RGS8: variants seen among roughly 807,000 people sequenced by gnomAD.
RGS8 encodes the protein regulator of G-protein signaling 8.
Under a neutral mutation model 21.7 loss-of-function variants are expected in RGS8, and 8 were observed. The observed-to-expected ratio is 0.37, with a 90% CI of 0.22 to 0.66. The LOEUF (loss-of-function observed/expected upper bound fraction) is 0.66, where lower values mean the gene tolerates loss of function less well. Ranked by LOEUF, RGS8 falls within the 30% of genes least tolerant of loss-of-function variation. The probability of loss-of-function intolerance (pLI) is 0.59; values close to 1 mark genes in which losing one functional copy is unlikely to be tolerated. For missense variants in RGS8, 157 were observed against 217.9 expected (o/e 0.72, Z 1.76); for synonymous variants, 80 against 83.6 (o/e 0.96, Z 0.24).
chr1:182,667,261 A>G (rs1420229213), intron 3 of RGS8, among the ~76,000 whole-genome samples: 2 of 152,218 alleles, frequency 1.3e-5, no homozygotes, highest in East Asian at 3.8e-4. Context: ...CTAAATTAGG[A>G]TTCTCTGTAG....
At chr1:182,742,521 G>A in the RGS8 span, among the ~76,000 whole-genome samples, 1 of 152,224 alleles carries the variant, frequency 6.6e-6, no homozygotes, top group Non-Finnish European at 1.5e-5. Context: ...CGGATCACTC[G>A]CGGTTAGGAG....
At chr1:182,650,863 C>T (rs1662979707) in intron 5 of RGS8, among the ~76,000 whole-genome samples, 1 of 152,106 alleles carries the variant, frequency 6.6e-6, no homozygotes, top group African/African-American at 2.4e-5. Flanking sequence ...AATTATAAAC[C>T]ATGACCACCA....
chr1:182,710,710 T>A, the RGS8 span, among the ~76,000 whole-genome samples: 4 of 152,126 alleles, frequency 2.6e-5, no homozygotes, highest in Non-Finnish European at 5.9e-5. Context: ...GGAGGAGGGA[T>A]GCAGGACAAG....
At chr1:182,661,960 A>G (rs531896929) in intron 5 of RGS8, among the ~76,000 whole-genome samples, 178 of 152,274 alleles carry the variant, frequency 1.2e-3, no homozygotes, top group African/African-American at 3.9e-3. Context: ...TATTTAATGA[A>G]GCCATCAGCA....
At chr1:182,752,270 C>A in the RGS8 span, among the ~76,000 whole-genome samples, 1 of 152,198 alleles carries the variant, frequency 6.6e-6, no homozygotes, top group Admixed American at 6.5e-5. Flanking sequence ...CTAGCAGCCA[C>A]AGGAGTCGGC....
upstream of RGS8, among the ~76,000 whole-genome samples, chr1:182,673,930 A>G (rs1664273932): frequency 6.6e-6 from 1 of 152,266 alleles, no homozygotes. Context: ...CACTATGCCA[A>G]ACATCGTATT....
At chr1:182,695,612 G>A in the RGS8 span, among the ~76,000 whole-genome samples, 6 of 152,262 alleles carry the variant, frequency 3.9e-5, no homozygotes, top group African/African-American at 1.2e-4. Context: ...ACATGCTGAT[G>A]CACCTGGCTC....
intron 1 of RGS8, among the ~76,000 whole-genome samples, chr1:182,679,450 G>T (rs570955097): frequency 6.6e-6 from 1 of 151,954 alleles, no homozygotes; most frequent in African/African-American, 2.4e-5. Flanking sequence ...CTTCCCCTTG[G>T]TCTCCTTTGC....
exon 7 of RGS8, chr1:182,646,678 A>G: frequency 1.3e-6 from 2 of 1,486,726 alleles, no homozygotes; most frequent in Non-Finnish European, 9.2e-7. Context: ...TTAGAATATG[A>G]TCTTGGCAGC....
chr1:182,708,464 C>T, the RGS8 span, among the ~76,000 whole-genome samples: 10 of 152,240 alleles, frequency 6.6e-5, no homozygotes, highest in Non-Finnish European at 1.2e-4. Flanking sequence ...CACCTGGGCT[C>T]CCCACACCCC....
the RGS8 span, among the ~76,000 whole-genome samples, chr1:182,727,067 A>C: frequency 6.6e-6 from 1 of 152,198 alleles, no homozygotes; most frequent in Non-Finnish European, 1.5e-5. Flanking sequence ...GTAACTGATG[A>C]TAAGAACTTT....
At chr1:182,741,902 G>C in the RGS8 span, among the ~76,000 whole-genome samples, 2 of 140,588 alleles carry the variant, frequency 1.4e-5, no homozygotes, top group Non-Finnish European at 3.2e-5. Flanking sequence ...CCTCCCTCCC[G>C]GAGGAGGTGG....
At chr1:182,682,347 T>C (rs1486700371) in intron 1 of RGS8, among the ~76,000 whole-genome samples, 1 of 152,184 alleles carries the variant, frequency 6.6e-6, no homozygotes, top group Non-Finnish European at 1.5e-5. Flanking sequence ...CCCTTGCTCC[T>C]GGCAAGAGTG....
At chr1:182,746,018 T>C in the RGS8 span, among the ~76,000 whole-genome samples, 1 of 152,226 alleles carries the variant, frequency 6.6e-6, no homozygotes, top group East Asian at 1.9e-4. Flanking sequence ...TTCTGCCCTC[T>C]AGGGTAAAGA....
At chr1:182,699,294 G>T in the RGS8 span, among the ~76,000 whole-genome samples, 503 of 152,212 alleles carry the variant, frequency 3.3e-3, 1 homozygote, top group African/African-American at 0.011. Context: ...GGTGTTTCTC[G>T]CCTGGCTCGG....
At chr1:182,655,126 A>G (rs1663206605) in intron 5 of RGS8, among the ~76,000 whole-genome samples, 1 of 152,250 alleles carries the variant, frequency 6.6e-6, no homozygotes, top group Non-Finnish European at 1.5e-5. Flanking sequence ...AACAAAGCTT[A>G]GAGAAGCCAA....
the RGS8 span, among the ~76,000 whole-genome samples, chr1:182,691,317 A>G: frequency 6.6e-6 from 1 of 152,080 alleles, no homozygotes; most frequent in African/African-American, 2.4e-5. Flanking sequence ...TTTTTAATTT[A>G]CCCCTCCCAA....
chr1:182,668,907 G>A (rs924210899), intron 3 of RGS8, among the ~76,000 whole-genome samples: 2 of 152,162 alleles, frequency 1.3e-5, no homozygotes, highest in African/African-American at 4.8e-5. Flanking sequence ...ACAGACCAAA[G>A]CCCAACTTTC....
the RGS8 span, among the ~76,000 whole-genome samples, chr1:182,737,839 C>T: frequency 1.3e-5 from 2 of 152,062 alleles, no homozygotes; most frequent in Middle Eastern, 3.2e-3. Context: ...GATCTGAGGA[C>T]CTCAGTTCAC....
Sources: allele counts gnomAD v4.1 joint callset (sites outside exome capture counted in the v4.1 genomes callset), GRCh38; gene constraint gnomAD v4.1.1; transcripts MANE v1.5; gene names NCBI Gene and HGNC (gene_info 2026-07-23, HGNC 2026-07-21).